Variants in PRPF6 observed in about 807,000 individuals in gnomAD.
The protein encoded by PRPF6 is pre-mRNA processing factor 6.
Under a neutral mutation model 118.3 loss-of-function variants are expected in PRPF6, and 42 were observed. The ratio of observed to expected loss-of-function variants is 0.35; its 90% confidence interval spans 0.28 to 0.46. PRPF6 has a LOEUF of 0.46. Among genes scored for constraint, PRPF6 ranks in the 20% least tolerant of loss-of-function variants. The pLI, the probability that PRPF6 is intolerant of heterozygous loss-of-function variation, is 1.00. For synonymous variants in PRPF6, 481 were observed against 485.1 expected (o/e 0.99, Z 0.11); for missense variants, 662 against 1,255.7 (o/e 0.53, Z 7.15).
At chr20:63,987,121 G>C (rs1398515142) in intron 3 of PRPF6, among the ~76,000 whole-genome samples, 1 of 122,994 alleles carries the variant, frequency 8.1e-6, no homozygotes, top group Non-Finnish European at 1.6e-5. Flanking sequence ...AGTGAGCTGA[G>C]ATCATACCAC....
rs374600261 is a variant in PRPF6 at position 63,999,034 on chromosome 20, C to G, written c.772-11C>G. On this transcript the variant is annotated splice_polypyrimidine_tract_variant and intron_variant, in intron 6 of 20. Transcript: ENST00000266079. Reference sequence around the variant, plus strand: ...ATGTCCAGCTGACTCTTAGCTTGGCCTGTCTCACAGGTGTCTGACTCCGTG... The same window carrying G: ...ATGTCCAGCTGACTCTTAGCTTGGCGTGTCTCACAGGTGTCTGACTCCGTG... 8.1e-6 allele frequency: 13 copies of G among 1,609,380 alleles called. No individual in the cohort carries two copies. In the African/African-American group the frequency reaches 1.1e-4, roughly 13 times the overall value.
At position 64,027,077 on chromosome 20, in the gene PRPF6, C is replaced by T; in HGVS notation, c.2124C>T (p.Phe708=). 6.2e-7 allele frequency: 1 copy of T among 1,614,046 alleles called. No homozygotes were observed. The highest frequency in any genetic ancestry group is 8.5e-7 in the Non-Finnish European group (1 of 1,180,008). ...AGGCCCTGCGGCACTATGAGGACTTCCCCAAGCTGTGGATGATGAAGGGGC... is the reference window on the plus strand; with the variant it reads ...AGGCCCTGCGGCACTATGAGGACTTTCCCAAGCTGTGGATGATGAAGGGGC... The part of the protein sequence containing the change: ...CEEALRHYED[F]PKLWMMKGQI... The change falls in exon 16 of 21, where the codon TTC becomes TTT. Residue 708 remains phenylalanine (F), a synonymous_variant. Coordinates refer to ENST00000266079, the MANE Select transcript of PRPF6 (RefSeq NM_012469.4). The surrounding 1 kb of genome is among the most constrained non-coding windows in gnomAD (Gnocchi z 6.5).
At chr20:63,994,272 C>T (rs2059132081) in intron 4 of PRPF6, among the ~76,000 whole-genome samples, 1 of 152,084 alleles carries the variant, frequency 6.6e-6, no homozygotes, top group African/African-American at 2.4e-5. Context: ...ATTCTCCTGC[C>T]TCAGCCTCCC....
chr20:63,990,274 A>G (rs548289579), intron 3 of PRPF6, among the ~76,000 whole-genome samples: 91 of 152,218 alleles, frequency 6.0e-4, no homozygotes, highest in African/African-American at 2.1e-3. Context: ...GCCCCACCTC[A>G]AACATTGGGA....
chr20:63,999,165 C>A, intron 7 of PRPF6, 26 bp downstream of exon 7: 1 of 1,595,522 alleles, frequency 6.3e-7, no homozygotes, highest in Non-Finnish European at 8.6e-7. Context: ...AATCGCTGGG[C>A]TGGGATGGAG....
chr20:64,023,659 G>A lies in PRPF6; in HGVS notation c.1769+781G>A, dbSNP rs185570571. On this transcript the variant is annotated intron_variant, in intron 13 of 20. Coordinates refer to ENST00000266079, the MANE Select transcript of PRPF6 (RefSeq NM_012469.4). ...CCTGGCCCCCTCCCCATGCCCACCAGCTGGTCTGTGTTTGGGAGTGATCTC... is the reference window on the plus strand; with the variant it reads ...CCTGGCCCCCTCCCCATGCCCACCAACTGGTCTGTGTTTGGGAGTGATCTC... 1.3e-4 allele frequency among the ~76,000 whole-genome samples: 20 copies of A among 152,318 alleles called. No individual in the cohort carries two copies. In the East Asian group the frequency reaches 3.5e-3, roughly 26 times the overall value.
In PRPF6 at chr20:63,995,108, A is replaced by T. The variant is rs112436862; in HGVS notation, c.615+16A>T. ...CCGACAAACTGTGAGCTTCCAAAAAAGGGCACATGTGGCCCATTTAGTCCT... is the reference window on the plus strand; with the variant it reads ...CCGACAAACTGTGAGCTTCCAAAAATGGGCACATGTGGCCCATTTAGTCCT... On this transcript the variant is annotated intron_variant, in intron 5 of 20. Transcript: ENST00000266079. 1.5e-3 allele frequency: 2,353 copies of T among 1,614,158 alleles called. 34 individuals carry two copies. The African/African-American group carries it at 0.027, about 18-fold the overall frequency.
chr20:64,018,511 G>A (rs2123071817), intron 12 of PRPF6, among the ~76,000 whole-genome samples: 1 of 152,198 alleles, frequency 6.6e-6, no homozygotes, highest in East Asian at 1.9e-4. Context: ...TATGGTTGCT[G>A]TTTGTTTCTT....
chr20:64,028,612 C>T lies in PRPF6; in HGVS notation c.2431+43C>T, dbSNP rs751072942. The T allele has an allele frequency of 1.2e-5, 20 of 1,600,348 alleles. No homozygotes were observed. The highest frequency in any genetic ancestry group is 3.3e-5 in the South Asian group (3 of 90,502). On this transcript the variant is annotated intron_variant, in intron 18 of 20. Transcript: ENST00000266079. This position sits in a 1 kb window ranked among gnomAD's most constrained non-coding sequence, Gnocchi z 6.5. Reference sequence around the variant, plus strand: ...CTCCGGTAAGGGGGTGCCCTGACTCCGGTAAGGGGGTGCCTTGACTCCGGT... The same window carrying T: ...CTCCGGTAAGGGGGTGCCCTGACTCTGGTAAGGGGGTGCCTTGACTCCGGT...
In PRPF6 at chr20:63,984,915, C is replaced by T; in HGVS notation, c.249C>T (p.Gly83=). 1.2e-6 allele frequency: 2 copies of T among 1,612,538 alleles called. No homozygotes were observed. The highest frequency in any genetic ancestry group is 2.2e-5 in the South Asian group (2 of 90,996). ...LNDTNYDEFN[G]YAGSLFSSGP... ...TGTTGTTTGCTTCTCAGTTTAATGG[C>T]TATGCTGGGAGCCTCTTCTCAAGTG... The change falls in exon 3 of 21, where the codon GGC becomes GGT. Residue 83 remains glycine (G), a synonymous_variant. Coordinates refer to ENST00000266079, the MANE Select transcript of PRPF6 (RefSeq NM_012469.4).
chr20:64,028,623 T>C lies in PRPF6; in HGVS notation c.2431+54T>C. Reference sequence around the variant, plus strand: ...GGGTGCCCTGACTCCGGTAAGGGGGTGCCTTGACTCCGGTAAGGGGGTGCT... The same window carrying C: ...GGGTGCCCTGACTCCGGTAAGGGGGCGCCTTGACTCCGGTAAGGGGGTGCT... On this transcript the variant is annotated intron_variant, in intron 18 of 20. Coordinates refer to ENST00000266079, the MANE Select transcript of PRPF6 (RefSeq NM_012469.4). This position sits in a 1 kb window ranked among gnomAD's most constrained non-coding sequence, Gnocchi z 6.5. 6.3e-7 allele frequency: 1 copy of C among 1,592,792 alleles called. No individual in the cohort carries two copies. Among genetic ancestry groups the C allele is most frequent in the African/African-American group, 1.3e-5 (1 of 74,500 alleles).
Position 64,018,402 on chromosome 20 carries a change from C to T in PRPF6, c.1647+1557C>T, listed in dbSNP as rs554435113. Among the ~76,000 whole-genome samples, 13 of 152,116 alleles carry T rather than the reference C, an allele frequency of 8.5e-5. No homozygotes were observed. In the East Asian group the frequency reaches 1.3e-3, roughly 16 times the overall value. On this transcript the variant is annotated intron_variant, in intron 12 of 20. Transcript: ENST00000266079. ...ATCTGGTTCTCTGTGGTGTCTCCTC[C>T]GGGTTGGGTTGAGGCTTCTTGGTGC... is the stretch of plus-strand genomic sequence containing the variant.
intron 9 of PRPF6, among the ~76,000 whole-genome samples, chr20:64,003,010 T>C (rs1273574528): frequency 6.6e-6 from 1 of 151,372 alleles, no homozygotes; most frequent in Non-Finnish European, 1.5e-5. Flanking sequence ...AGTGGCACGA[T>C]CTTGGCTCAC....
At chr20:64,024,286 A>G (rs2059278097) in intron 13 of PRPF6, among the ~76,000 whole-genome samples, 1 of 152,132 alleles carries the variant, frequency 6.6e-6, no homozygotes, top group African/African-American at 2.4e-5. Context: ...CACGGCTGTA[A>G]AAGGTTCTCT....
At chr20:63,982,097 G>A (rs1388941332) in intron 1 of PRPF6, among the ~76,000 whole-genome samples, 2 of 152,156 alleles carry the variant, frequency 1.3e-5, no homozygotes, top group Non-Finnish European at 2.9e-5. Context: ...TAGAGCTCAG[G>A]AGGTTGGAGG....
intron 3 of PRPF6, among the ~76,000 whole-genome samples, chr20:63,990,059 G>T (rs1199755474): frequency 6.6e-6 from 1 of 151,718 alleles, no homozygotes; most frequent in Non-Finnish European, 1.5e-5. Context: ...TTACCATGTT[G>T]GCCAGGCCGG....
intron 12 of PRPF6, among the ~76,000 whole-genome samples, chr20:64,018,330 G>T (rs1290890180): frequency 1.3e-5 from 2 of 152,120 alleles, no homozygotes; most frequent in African/African-American, 2.4e-5. Flanking sequence ...TCCTGAGTGT[G>T]AATTTTTTGA....
chr20:63,999,615 G>A lies in PRPF6; in HGVS notation c.879G>A (p.Lys293=), dbSNP rs1311897418. The A allele has an allele frequency of 1.2e-6, 2 of 1,614,004 alleles. No individual in the cohort carries two copies. The highest frequency in any genetic ancestry group is 2.7e-5 in the African/African-American group (2 of 74,928). ...CTCCCTCTCATAGTGATATCAAGAA[G>A]GCGCGACTGCTCCTCAAGTCTGTTC... ...THGGDINDIK[K]ARLLLKSVRE... is the part of the protein sequence containing the mutation. Residue 293 remains lysine, a synonymous_variant, in exon 8 of 21, where the codon AAG becomes AAA. Transcript: ENST00000266079.
chr20:63,999,236 TG>T, intron 7 of PRPF6, 97 bp downstream of exon 7: 1 of 1,015,654 alleles, frequency 9.8e-7, no homozygotes, highest in Non-Finnish European at 1.5e-6. Flanking sequence ...AAATGGGACA[TG>T]GCGGTTCTAA....
Sources: allele counts gnomAD v4.1 joint callset (sites outside exome capture counted in the v4.1 genomes callset), GRCh38; gene constraint gnomAD v4.1.1; non-coding constraint Gnocchi (gnomAD v3.1); transcripts MANE v1.5; gene names NCBI Gene and HGNC (gene_info 2026-07-23, HGNC 2026-07-21).